Variants in KCNH1 observed in about 807,000 individuals in gnomAD.
The protein encoded by KCNH1 is potassium voltage-gated channel subfamily H member 1, also known as voltage-gated delayed rectifier potassium channel KCNH1.
KCNH1 carries 27 observed loss-of-function variants against 69.2 expected under a neutral mutation model. The ratio of observed to expected loss-of-function variants is 0.39; its 90% CI spans 0.29 to 0.54. The LOEUF is 0.54. Ranked by LOEUF, KCNH1 falls within the 20% of genes least tolerant of loss-of-function variation. The probability of loss-of-function intolerance (pLI) is 0.68; values close to 1 mark genes in which losing one functional copy is unlikely to be tolerated. For missense variants in KCNH1, 798 were observed against 1,261.6 expected, an observed-to-expected ratio of 0.63 and a Z score of 5.57; for synonymous variants, 456 against 487.7, an observed-to-expected ratio of 0.93 and a Z score of 0.86.
chr1:210,735,818 CACAGAGAG>C (rs1183122269), intron 10 of KCNH1, among the ~76,000 whole-genome samples: 5 of 149,934 alleles, frequency 3.3e-5, no homozygotes, highest in Non-Finnish European at 4.4e-5. Context: ...CACACACACA[CACAGAGAG>C]AGAGAGAGAG....
intron 10 of KCNH1, among the ~76,000 whole-genome samples, chr1:210,727,736 T>G (rs562703557): frequency 6.6e-6 from 1 of 152,304 alleles, no homozygotes; most frequent in Non-Finnish European, 1.5e-5. Flanking sequence ...CAGTTTCAGC[T>G]AACATGCAAG....
intron 7 of KCNH1, among the ~76,000 whole-genome samples, chr1:210,882,883 G>T (rs1324071999): frequency 6.6e-6 from 1 of 152,190 alleles, no homozygotes; most frequent in African/African-American, 2.4e-5. Flanking sequence ...AGAAGCAAAA[G>T]CGTCATCACA....
At chr1:210,703,072 A>C (rs1177658455) in intron 10 of KCNH1, among the ~76,000 whole-genome samples, 1 of 152,132 alleles carries the variant, frequency 6.6e-6, no homozygotes, top group Non-Finnish European at 1.5e-5. Context: ...TAATTTTTAA[A>C]ATATATACCA....
At chr1:210,859,052 T>C (rs1377947592) in intron 7 of KCNH1, 2 of 644,648 alleles carry the variant, frequency 3.1e-6, no homozygotes, top group East Asian at 5.3e-5. Context: ...TGTTGTGATT[T>C]TTTTTCTGTC....
chr1:210,864,763 C>T (rs1686067790), intron 7 of KCNH1, among the ~76,000 whole-genome samples: 1 of 152,182 alleles, frequency 6.6e-6, no homozygotes. Context: ...AAAGGCCCAG[C>T]AGGATGGCTT....
In KCNH1 at chr1:210,678,635, G is replaced by A. The variant is rs1681192958; in HGVS notation, c.*4646C>T. On this transcript the variant is annotated 3_prime_UTR_variant, in exon 11 of 11. Coordinates refer to ENST00000271751, the MANE Select transcript of KCNH1 (RefSeq NM_172362.3). ...AGTATTAATATAAGGAGAAGCCCCA[G>A]AATGATGAACTGCTCATAAGTAGAA... The A allele has an allele frequency of 6.6e-6, 1 of 152,236 alleles. No individual in the cohort carries two copies. Among genetic ancestry groups the A allele is most frequent in the African/African-American group, 2.4e-5 (1 of 41,458 alleles). 9.4% of individuals were successfully genotyped at this position (152,236 alleles called of 1,614,324 possible).
chr1:210,847,496 C>T (rs1333342699), intron 7 of KCNH1, among the ~76,000 whole-genome samples: 10 of 150,590 alleles, frequency 6.6e-5, no homozygotes, highest in East Asian at 3.9e-4. Flanking sequence ...AACCAAACAC[C>T]GCATGTTCTC....
At chr1:210,821,245 C>T (rs973877384) in intron 7 of KCNH1, among the ~76,000 whole-genome samples, 4 of 152,110 alleles carry the variant, frequency 2.6e-5, no homozygotes, top group African/African-American at 7.2e-5. Flanking sequence ...AGGGCTTTGA[C>T]ATATGAATTG....
intron 6 of KCNH1, among the ~76,000 whole-genome samples, chr1:210,922,413 A>C (rs867862397): frequency 1.5e-5 from 2 of 131,384 alleles, no homozygotes; most frequent in Admixed American, 7.9e-5. Context: ...AAAAAAAAAA[A>C]AAAAAAAACC....
In KCNH1 at chr1:210,803,774, G is replaced by T. The variant is rs1770220; in HGVS notation, c.1662+193C>A. ...CCTGCCTTTCTAATTTCTTAATGAT[G>T]TTTTATTGTTGGTCTTTGAGTAAGG... is the stretch of plus-strand genomic sequence containing the variant. On this transcript the variant is annotated intron_variant, in intron 8 of 10. Transcript: ENST00000271751. Among the ~76,000 whole-genome samples the T allele has an allele frequency of 0.62, 94,763 of 152,008 alleles. 30,050 individuals are homozygous for T. Among genetic ancestry groups the T allele is most frequent in the African/African-American group, 0.7 (28,922 of 41,420 alleles).
chr1:210,679,961 G>GAATGCAATGAGTTGCATTCATC lies in KCNH1; in HGVS notation c.*3319_*3320insGATGAATGCAACTCATTGCATT, dbSNP rs1681223455. ...CATTAATGCAATGAGTTGCATTCAT[G>GAATGCAATGAGTTGCATTCATC]AATGCAATGAGTTGCATTAATTGTA... On this transcript the variant is annotated 3_prime_UTR_variant, in exon 11 of 11. Coordinates refer to ENST00000271751, the MANE Select transcript of KCNH1 (RefSeq NM_172362.3). 1 of 148,338 alleles carries GAATGCAATGAGTTGCATTCATC rather than the reference G, an allele frequency of 6.7e-6. No homozygotes were observed. The highest frequency in any genetic ancestry group is 6.7e-5 in the Admixed American group (1 of 14,948). The allele number at this position is 148,338 out of a possible 1,614,324, so 9.2% of individuals were successfully genotyped here. A position where few individuals can be genotyped will look rare whatever the true frequency, so the allele number is the denominator to read the frequency against.
chr1:210,709,654 G>A (rs1428478692), intron 10 of KCNH1, among the ~76,000 whole-genome samples: 3 of 151,728 alleles, frequency 2.0e-5, no homozygotes, highest in Non-Finnish European at 2.9e-5. Context: ...ATGGGTGGGT[G>A]GATTGACAGA....
chr1:211,018,630 A>T (rs2102413808), intron 6 of KCNH1, among the ~76,000 whole-genome samples, 153 bp downstream of exon 6: 1 of 152,310 alleles, frequency 6.6e-6, no homozygotes, highest in African/African-American at 2.4e-5. Context: ...AAAGGATGGG[A>T]ACAGCAGGCA....
At chr1:210,718,981 C>G (rs1682382244) in intron 10 of KCNH1, among the ~76,000 whole-genome samples, 2 of 152,126 alleles carry the variant, frequency 1.3e-5, no homozygotes, top group Admixed American at 6.5e-5. Flanking sequence ...TGGTAGATGA[C>G]AACTCCCAAG....
At chr1:210,784,849 T>C (rs1777257) in intron 9 of KCNH1, among the ~76,000 whole-genome samples, 66,189 of 151,874 alleles carry the variant, frequency 0.44, 15,464 homozygotes, top group African/African-American at 0.61. Flanking sequence ...TAAGATTATA[T>C]GCCAGGTTCC....
chr1:210,857,638 T>C (rs924554636), intron 7 of KCNH1, among the ~76,000 whole-genome samples: 12 of 152,236 alleles, frequency 7.9e-5, no homozygotes, highest in Non-Finnish European at 1.5e-4. Context: ...GTTTTTATAG[T>C]TATAGATTTT....
intron 6 of KCNH1, among the ~76,000 whole-genome samples, chr1:210,962,592 A>AT (rs1688314372): frequency 6.6e-6 from 1 of 151,906 alleles, no homozygotes; most frequent in Non-Finnish European, 1.5e-5. Context: ...TAGTTTATTC[A>AT]TTTTTAGCAC....
chr1:210,687,071 C>T (rs986800488), intron 10 of KCNH1, among the ~76,000 whole-genome samples: 4 of 152,164 alleles, frequency 2.6e-5, no homozygotes, highest in African/African-American at 9.7e-5. Flanking sequence ...CAGGGTTTGG[C>T]CTGGACACAC....
chr1:211,131,284 A>T (rs1571671811), intron 1 of KCNH1, among the ~76,000 whole-genome samples: 1 of 152,170 alleles, frequency 6.6e-6, no homozygotes, highest in Non-Finnish European at 1.5e-5. Context: ...TTATCATATG[A>T]GAAGTTTTTA....
Sources: allele counts gnomAD v4.1 joint callset (sites outside exome capture counted in the v4.1 genomes callset), GRCh38; gene constraint gnomAD v4.1.1; transcripts MANE v1.5; gene names NCBI Gene and HGNC (gene_info 2026-07-23, HGNC 2026-07-21).